The following DCC variants were observed in gnomAD, a reference collection of about 807,000 sequenced individuals.
DCC encodes the protein DCC netrin 1 receptor.
DCC carries 58 observed loss-of-function variants against 172.5 expected under a neutral mutation model. The observed-to-expected ratio is 0.34, with a 90% CI of 0.27 to 0.42. DCC has a LOEUF of 0.42. Ranked by LOEUF, DCC falls within the 10% of genes least tolerant of loss-of-function variation. DCC has a pLI of 1.00. For missense variants in DCC, 1,740 were observed against 1,791.0 expected (o/e 0.97, Z 0.51); for synonymous variants, 709 against 644.5 (o/e 1.10, Z -1.52).
intron 12 of DCC, among the ~76,000 whole-genome samples, chr18:53,267,269 C>T (rs1032215472): frequency 6.6e-6 from 1 of 152,044 alleles, no homozygotes; most frequent in Non-Finnish European, 1.5e-5. Flanking sequence ...TTACCGCAAC[C>T]TCTACCTCCT....
chr18:52,701,180 C>T (rs919748520), intron 1 of DCC, among the ~76,000 whole-genome samples: 3 of 152,124 alleles, frequency 2.0e-5, no homozygotes, highest in Non-Finnish European at 4.4e-5. Context: ...AAAATCTTTC[C>T]AAGTGTTTTT....
intron 21 of DCC, among the ~76,000 whole-genome samples, chr18:53,430,378 G>T (rs1416844982): frequency 1.3e-5 from 2 of 152,050 alleles, no homozygotes; most frequent in Non-Finnish European, 2.9e-5. Context: ...TTAAACAAAC[G>T]ATTAGAACTA....
intron 1 of DCC, among the ~76,000 whole-genome samples, chr18:52,590,670 G>C (rs772421850): frequency 6.6e-6 from 1 of 152,176 alleles, no homozygotes; most frequent in Non-Finnish European, 1.5e-5. Context: ...CGTCAGAATG[G>C]ATGTTGTCAT....
chr18:52,926,987 A>C (rs1188593218), intron 5 of DCC, among the ~76,000 whole-genome samples: 1 of 142,148 alleles, frequency 7.0e-6, no homozygotes, highest in South Asian at 2.1e-4. Context: ...ATATATGGAT[A>C]TATATTTTGT....
At chr18:53,011,815 G>T (rs1212555892) in intron 5 of DCC, among the ~76,000 whole-genome samples, 1 of 151,372 alleles carries the variant, frequency 6.6e-6, no homozygotes, top group East Asian at 1.9e-4. Context: ...TATGGCACAG[G>T]TTTATCCAGT....
intron 12 of DCC, among the ~76,000 whole-genome samples, chr18:53,246,761 T>C (rs1340649834): frequency 6.6e-6 from 1 of 152,044 alleles, no homozygotes; most frequent in Admixed American, 6.6e-5. Flanking sequence ...GAGAGTAGAA[T>C]TGCATGGTAT....
chr18:52,897,376 G>C (rs968266663), intron 2 of DCC, among the ~76,000 whole-genome samples: 1 of 152,178 alleles, frequency 6.6e-6, no homozygotes, highest in African/African-American at 2.4e-5. Flanking sequence ...AACTGCTACA[G>C]ACTATGTTGG....
intron 1 of DCC, among the ~76,000 whole-genome samples, chr18:52,457,618 A>T (rs568776195): frequency 2.0e-5 from 3 of 152,298 alleles, no homozygotes; most frequent in Non-Finnish European, 4.4e-5. Flanking sequence ...ATGTTAGTAA[A>T]CGGCCAAAGA....
chr18:52,808,556 A>G (rs1231951640), intron 2 of DCC, among the ~76,000 whole-genome samples: 2 of 152,212 alleles, frequency 1.3e-5, no homozygotes, highest in South Asian at 2.1e-4. Flanking sequence ...AAAAATTGGC[A>G]TGGTCAGGAA....
intron 19 of DCC, among the ~76,000 whole-genome samples, chr18:53,406,213 C>G (rs1007166490): frequency 6.6e-6 from 1 of 152,064 alleles, no homozygotes; most frequent in African/African-American, 2.4e-5. Context: ...CATTTGATAG[C>G]CTAGTTTAAT....
intron 27 of DCC, among the ~76,000 whole-genome samples, chr18:53,502,853 ATTTAT>A (rs1231665948): frequency 2.6e-5 from 4 of 151,430 alleles, no homozygotes; most frequent in Non-Finnish European, 5.9e-5. Flanking sequence ...TTTTTTTTAA[ATTTAT>A]TTTATTTTAG....
chr18:53,052,079 T>C (rs1055297695), intron 5 of DCC, among the ~76,000 whole-genome samples: 14 of 152,088 alleles, frequency 9.2e-5, no homozygotes, highest in Non-Finnish European at 2.1e-4. Flanking sequence ...ATATCGAGTC[T>C]GATACATGTT....
intron 2 of DCC, among the ~76,000 whole-genome samples, chr18:52,824,703 G>T (rs2038475930): frequency 6.6e-6 from 1 of 152,098 alleles, no homozygotes; most frequent in Non-Finnish European, 1.5e-5. Flanking sequence ...AGGCATTGTG[G>T]TTCACTCCTG....
chr18:53,150,704 A>G lies in DCC; in HGVS notation c.1262-6652A>G, dbSNP rs112613116. ...GGCCCCCACGTCAGGGCAGCAAAGCAATTGGAGGAAGGTATTCCAGCTGAG... is the reference window on the plus strand; with the variant it reads ...GGCCCCCACGTCAGGGCAGCAAAGCGATTGGAGGAAGGTATTCCAGCTGAG... On this transcript the variant is annotated intron_variant, in intron 7 of 28. Transcript: ENST00000442544. 1.5e-3 allele frequency among the ~76,000 whole-genome samples: 226 copies of G among 152,308 alleles called. 1 individual carries two copies. Among genetic ancestry groups the G allele is most frequent in the South Asian group, 0.012 (59 of 4,824 alleles).
chr18:53,061,701 ATCAGACTG>A (rs1489886386), intron 5 of DCC, among the ~76,000 whole-genome samples: 1 of 152,144 alleles, frequency 6.6e-6, no homozygotes, highest in African/African-American at 2.4e-5. Context: ...TAGGCAGGGA[ATCAGACTG>A]TCTGGCTTCA....
chr18:53,310,805 C>T (rs907284728), intron 13 of DCC, among the ~76,000 whole-genome samples: 1 of 152,076 alleles, frequency 6.6e-6, no homozygotes, highest in African/African-American at 2.4e-5. Context: ...TATGCCATCT[C>T]TTACTAGAAG....
At chr18:52,615,611 A>G (rs1024648245) in intron 1 of DCC, among the ~76,000 whole-genome samples, 8 of 152,296 alleles carry the variant, frequency 5.3e-5, no homozygotes, top group Admixed American at 4.6e-4. Flanking sequence ...GTTTCTCTTC[A>G]CTGCTGTTCC....
At chr18:52,999,332 C>T (rs182331914) in intron 5 of DCC, among the ~76,000 whole-genome samples, 30 of 152,142 alleles carry the variant, frequency 2.0e-4, no homozygotes, top group Admixed American at 1.4e-3. Flanking sequence ...GTTTTTGTCA[C>T]TGAAGACATC....
At chr18:53,082,496 T>C (rs1306620280) in intron 7 of DCC, among the ~76,000 whole-genome samples, 1 of 152,104 alleles carries the variant, frequency 6.6e-6, no homozygotes, top group Admixed American at 6.6e-5. Context: ...TTAAGAAATA[T>C]AATACTCCAG....
Sources: allele counts gnomAD v4.1 joint callset (sites outside exome capture counted in the v4.1 genomes callset), GRCh38; gene constraint gnomAD v4.1.1; transcripts MANE v1.5; gene names NCBI Gene and HGNC (gene_info 2026-07-23, HGNC 2026-07-21).